The following KCNH5 variants were observed in gnomAD, a reference collection of about 807,000 sequenced individuals.
The protein encoded by KCNH5 is voltage-gated delayed rectifier potassium channel KCNH5.
Under a neutral mutation model 96.1 loss-of-function variants are expected in KCNH5, and 46 were observed. The observed-to-expected ratio is 0.48, with a 90% CI of 0.38 to 0.61. The LOEUF is 0.61. Among genes scored for constraint, KCNH5 ranks in the 20% least tolerant of loss-of-function variants. KCNH5 has a pLI of 0.00. For missense variants in KCNH5, 907 were observed against 1,225.8 expected (o/e 0.74, Z 3.88); for synonymous variants, 439 against 449.8 (o/e 0.98, Z 0.30).
chr14:62,832,970 G>T (rs1887387072), intron 8 of KCNH5, among the ~76,000 whole-genome samples: 1 of 140,186 alleles, frequency 7.1e-6, no homozygotes, highest in Non-Finnish European at 1.5e-5. Context: ...GGTTATTTGT[G>T]GGTTTTTGCT....
chr14:62,942,374 T>C (rs1438582070), intron 7 of KCNH5, among the ~76,000 whole-genome samples: 1 of 152,206 alleles, frequency 6.6e-6, no homozygotes, highest in Non-Finnish European at 1.5e-5. Flanking sequence ...ACTTACTCTA[T>C]ATTCTCCCAA....
At chr14:62,821,685 C>T (rs762591571) in intron 8 of KCNH5, among the ~76,000 whole-genome samples, 3 of 152,052 alleles carry the variant, frequency 2.0e-5, no homozygotes, top group Non-Finnish European at 2.9e-5. Context: ...ACATAATTTT[C>T]ATTATCCATA....
At chr14:62,802,101 C>T (rs554500844) in intron 9 of KCNH5, among the ~76,000 whole-genome samples, 1 of 152,218 alleles carries the variant, frequency 6.6e-6, no homozygotes, top group African/African-American at 2.4e-5. Flanking sequence ...AGGTACTGTC[C>T]TACTGTTGCC....
intron 7 of KCNH5, among the ~76,000 whole-genome samples, chr14:62,861,805 G>A (rs1440854699): frequency 6.6e-6 from 1 of 152,032 alleles, no homozygotes; most frequent in Admixed American, 6.6e-5. Flanking sequence ...ACAATGATAA[G>A]ACTTCAGCTA....
intron 10 of KCNH5, among the ~76,000 whole-genome samples, chr14:62,753,963 T>C (rs1885561649): frequency 6.6e-6 from 1 of 152,110 alleles, no homozygotes; most frequent in Admixed American, 6.5e-5. Flanking sequence ...AACATTGCAA[T>C]TGTGCTGTGT....
intron 10 of KCNH5, among the ~76,000 whole-genome samples, chr14:62,774,109 A>G (rs1192739256): frequency 6.6e-6 from 1 of 152,164 alleles, no homozygotes; most frequent in African/African-American, 2.4e-5. Flanking sequence ...AAAATTTAGC[A>G]AAGGGAAAAG....
chr14:62,900,905 G>A (rs554533092), intron 7 of KCNH5, among the ~76,000 whole-genome samples: 108 of 152,192 alleles, frequency 7.1e-4, no homozygotes, highest in Middle Eastern at 3.4e-3. Context: ...ATCAATTAAA[G>A]AGACAACCCA....
At chr14:62,954,346 A>G (rs117490148) in intron 6 of KCNH5, among the ~76,000 whole-genome samples, 44 of 152,264 alleles carry the variant, frequency 2.9e-4, no homozygotes, top group Non-Finnish European at 5.0e-4. Context: ...TCTCTATTAT[A>G]ACAATTTTCA....
chr14:62,712,978 G>C (rs1027370380), intron 10 of KCNH5, among the ~76,000 whole-genome samples: 1 of 151,968 alleles, frequency 6.6e-6, no homozygotes, highest in Non-Finnish European at 1.5e-5. Context: ...GAGCAGGGAG[G>C]GTCAAAGAAT....
Position 62,705,505 on chromosome 14 carries a change from T to C in KCNH5, c.*2003A>G, listed in dbSNP as rs949315103. ...GATTCTTTACTCCATAATTATTTCA[T>C]TTTCTTGTGTTTGTGGTAGGTAGAT... On this transcript the variant is annotated 3_prime_UTR_variant, in exon 11 of 11. Coordinates refer to ENST00000322893, the MANE Select transcript of KCNH5 (RefSeq NM_139318.5). The C allele has an allele frequency of 6.6e-6, 1 of 152,022 alleles. No homozygotes were observed. The highest frequency in any genetic ancestry group is 1.5e-5 in the Non-Finnish European group (1 of 67,874). 9.4% of individuals were successfully genotyped at this position (152,022 alleles called of 1,614,324 possible). A position where few individuals can be genotyped will look rare whatever the true frequency, so the allele number is the denominator to read the frequency against.
At position 62,699,592 on chromosome 14, in the gene KCNH5, G is replaced by T. The variant is rs532096031; in HGVS notation, c.*7916C>A. 1 of 152,204 alleles carries T rather than the reference G, an allele frequency of 6.6e-6. No individual in the cohort carries two copies. Among genetic ancestry groups the T allele is most frequent in the African/African-American group, 2.4e-5 (1 of 41,546 alleles). 9.4% of individuals were successfully genotyped at this position (152,204 alleles called of 1,614,324 possible). On this transcript the variant is annotated 3_prime_UTR_variant, in exon 11 of 11. Coordinates refer to ENST00000322893, the MANE Select transcript of KCNH5 (RefSeq NM_139318.5). Reference sequence around the variant, plus strand: ...TTGTGCTGAAACCCAGATTTCTTTTGGGCTAAAAGCTTCCACCTGCCAATT... The same window carrying T: ...TTGTGCTGAAACCCAGATTTCTTTTTGGCTAAAAGCTTCCACCTGCCAATT...
chr14:62,953,152 T>G (rs996184597), intron 6 of KCNH5, among the ~76,000 whole-genome samples: 3 of 151,514 alleles, frequency 2.0e-5, no homozygotes, highest in African/African-American at 7.3e-5. Flanking sequence ...ACTTGATATA[T>G]ATACATAAAG....
chr14:62,855,523 T>C (rs1218674730), intron 7 of KCNH5, among the ~76,000 whole-genome samples: 1 of 152,164 alleles, frequency 6.6e-6, no homozygotes, highest in African/African-American at 2.4e-5. Flanking sequence ...ATAAAATAAA[T>C]AATTATTCTT....
intron 10 of KCNH5, among the ~76,000 whole-genome samples, chr14:62,763,603 C>A (rs1434679191): frequency 1.3e-5 from 2 of 152,020 alleles, no homozygotes; most frequent in African/African-American, 4.8e-5. Context: ...AAAGTTTTTC[C>A]TTTGAAAGAA....
At chr14:62,877,223 C>T (rs1002702123) in intron 7 of KCNH5, among the ~76,000 whole-genome samples, 25 of 151,758 alleles carry the variant, frequency 1.6e-4, no homozygotes, top group African/African-American at 5.8e-4. Context: ...AAACGTTAGA[C>T]CTAAAACCAT....
At chr14:62,833,146 T>G (rs189951448) in intron 8 of KCNH5, among the ~76,000 whole-genome samples, 5,522 of 152,070 alleles carry the variant, frequency 0.036, 286 homozygotes, top group African/African-American at 0.11. Flanking sequence ...ATTCTCTGTT[T>G]TTTTTGGTCC....
chr14:62,819,453 T>A (rs1887069974), intron 8 of KCNH5, among the ~76,000 whole-genome samples: 1 of 152,028 alleles, frequency 6.6e-6, no homozygotes, highest in Non-Finnish European at 1.5e-5. Context: ...TTGTCAGGGG[T>A]GCAGGGGAGG....
At chr14:62,915,129 C>T (rs1889249126) in intron 7 of KCNH5, among the ~76,000 whole-genome samples, 1 of 152,252 alleles carries the variant, frequency 6.6e-6, no homozygotes, top group African/African-American at 2.4e-5. Context: ...GCCTAACTGG[C>T]TTTGCCACTT....
chr14:62,814,976 TG>T (rs1386112292), intron 8 of KCNH5, among the ~76,000 whole-genome samples: 4 of 151,994 alleles, frequency 2.6e-5, no homozygotes, highest in South Asian at 4.1e-4. Context: ...TGAACTACAG[TG>T]GGTATAGCAT....
Sources: gnomAD v4.1 joint callset for allele counts (sites outside exome capture counted in the v4.1 genomes callset) on GRCh38, gnomAD v4.1.1 for gene constraint, MANE v1.5 for transcripts, NCBI Gene and HGNC (gene_info 2026-07-23, HGNC 2026-07-21) for gene names.